MACROD2: variants seen among roughly 807,000 people sequenced by gnomAD.
The protein encoded by MACROD2 is mono-ADP ribosylhydrolase 2.
Under a neutral mutation model 70.4 loss-of-function variants are expected in MACROD2, and 36 were observed. That is an observed-to-expected ratio of 0.51 (90% CI 0.39 to 0.68). The LOEUF (loss-of-function observed/expected upper bound fraction) is 0.68, where lower values mean the gene tolerates loss of function less well. Among genes scored for constraint, MACROD2 ranks in the 30% least tolerant of loss-of-function variants. The probability of loss-of-function intolerance (pLI) is 0.00; values close to 1 mark genes in which losing one functional copy is unlikely to be tolerated. For synonymous variants in MACROD2, 172 were observed against 178.8 expected (o/e 0.96, Z 0.30); for missense variants, 496 against 538.4 (o/e 0.92, Z 0.78).
At chr20:14,752,635 C>A (rs1011309053) in intron 5 of MACROD2, among the ~76,000 whole-genome samples, 1 of 152,090 alleles carries the variant, frequency 6.6e-6, no homozygotes, top group Non-Finnish European at 1.5e-5. Flanking sequence ...TGTCTCCTTC[C>A]TTTTAAAATA....
At chr20:15,133,489 C>G (rs753226302) in intron 5 of MACROD2, among the ~76,000 whole-genome samples, 1 of 151,932 alleles carries the variant, frequency 6.6e-6, no homozygotes, top group African/African-American at 2.4e-5. Flanking sequence ...AATATTTATA[C>G]CCACATTGTT....
At chr20:15,679,291 C>T (rs1325815784) in intron 8 of MACROD2, among the ~76,000 whole-genome samples, 1 of 151,078 alleles carries the variant, frequency 6.6e-6, no homozygotes, top group African/African-American at 2.4e-5. Context: ...CTGGCTTCCA[C>T]ATGCCACTGA....
intron 6 of MACROD2, among the ~76,000 whole-genome samples, chr20:15,373,961 T>G (rs1027679312): frequency 1.3e-5 from 2 of 152,170 alleles, no homozygotes; most frequent in Non-Finnish European, 2.9e-5. Flanking sequence ...TGTCTTATTT[T>G]GATGTTCATT....
At chr20:14,348,184 G>A (rs1209600103) in intron 3 of MACROD2, among the ~76,000 whole-genome samples, 1 of 151,506 alleles carries the variant, frequency 6.6e-6, no homozygotes, top group Non-Finnish European at 1.5e-5. Context: ...CAGGAGAATT[G>A]CTTGAGCCCA....
At chr20:15,057,574 A>G (rs6043077) in intron 5 of MACROD2, among the ~76,000 whole-genome samples, 17,200 of 152,032 alleles carry the variant, frequency 0.11, 2,447 homozygotes, top group African/African-American at 0.33. Context: ...TTCCCATCCC[A>G]CCTTGCAACC....
intron 8 of MACROD2, among the ~76,000 whole-genome samples, chr20:15,792,131 T>C (rs1056535070): frequency 1.1e-4 from 16 of 152,038 alleles, no homozygotes; most frequent in African/African-American, 3.1e-4. Context: ...ATTCAAATCA[T>C]TGGGAAAAGA....
At chr20:15,167,707 A>G (rs2076395231) in intron 5 of MACROD2, among the ~76,000 whole-genome samples, 1 of 152,178 alleles carries the variant, frequency 6.6e-6, no homozygotes, top group African/African-American at 2.4e-5. Context: ...TGCAAAAAAT[A>G]TAATTCACTC....
intron 5 of MACROD2, among the ~76,000 whole-genome samples, chr20:14,959,862 T>G (rs2074568411): frequency 6.6e-6 from 1 of 152,172 alleles, no homozygotes; most frequent in South Asian, 2.1e-4. Context: ...GGCCACGACT[T>G]TAGAAAACCC....
intron 4 of MACROD2, among the ~76,000 whole-genome samples, chr20:14,526,022 G>A (rs765583111): frequency 7.9e-5 from 12 of 152,132 alleles, no homozygotes; most frequent in Non-Finnish European, 1.5e-4. Context: ...GGCCGATATC[G>A]GAATGTTGAT....
chr20:15,249,957 G>C lies in MACROD2; in HGVS notation c.540+19896G>C, dbSNP rs548620126. On this transcript the variant is annotated intron_variant, in intron 6 of 17. Coordinates refer to ENST00000684519, the MANE Select transcript of MACROD2 (RefSeq NM_001351661.2). ...GACTTTTAAAAATAGGTACTGAGCT[G>C]TTAGTATTAAACCCTTACTACGTTG... 6.5e-4 allele frequency among the ~76,000 whole-genome samples: 99 copies of C among 152,326 alleles called. 1 individual carries two copies. Among genetic ancestry groups the C allele is most frequent in the Non-Finnish European group, 1.1e-3 (77 of 68,034 alleles).
intron 6 of MACROD2, among the ~76,000 whole-genome samples, chr20:15,290,662 T>G (rs561724466): frequency 6.6e-6 from 1 of 152,356 alleles, no homozygotes; most frequent in South Asian, 2.1e-4. Flanking sequence ...CACAACAGGT[T>G]CATTTATTGG....
At chr20:15,069,952 T>A (rs960258109) in intron 5 of MACROD2, among the ~76,000 whole-genome samples, 3 of 152,122 alleles carry the variant, frequency 2.0e-5, no homozygotes, top group Non-Finnish European at 4.4e-5. Flanking sequence ...GACAAGAGAA[T>A]GGTAGAGTCA....
At chr20:14,170,832 T>C (rs2081214348) in intron 3 of MACROD2, among the ~76,000 whole-genome samples, 1 of 152,124 alleles carries the variant, frequency 6.6e-6, no homozygotes, top group Non-Finnish European at 1.5e-5. Flanking sequence ...GCTTTTCTGG[T>C]TTTGGTATTA....
chr20:15,638,498 C>T (rs1568944955), intron 8 of MACROD2, among the ~76,000 whole-genome samples: 1 of 152,178 alleles, frequency 6.6e-6, no homozygotes, highest in Non-Finnish European at 1.5e-5. Flanking sequence ...CAGAAAAGAA[C>T]TGCAAGTCAT....
intron 15 of MACROD2, among the ~76,000 whole-genome samples, chr20:15,993,706 C>A (rs992786072): frequency 6.6e-6 from 1 of 152,154 alleles, no homozygotes; most frequent in African/African-American, 2.4e-5. Context: ...TATATCCATA[C>A]AATCACACAC....
Position 15,911,901 on chromosome 20 carries a change from G to A in MACROD2, c.776-21375G>A, listed in dbSNP as rs542693632. ...TGTGCGTGTAATCCTGGCTACTCAGGAGGCTGAGGCAGGAGAATCGCTTGA... is the reference window on the plus strand; with the variant it reads ...TGTGCGTGTAATCCTGGCTACTCAGAAGGCTGAGGCAGGAGAATCGCTTGA... On this transcript the variant is annotated intron_variant, in intron 10 of 17. Transcript: ENST00000684519. 8.5e-5 allele frequency among the ~76,000 whole-genome samples: 13 copies of A among 152,314 alleles called. No individual in the cohort carries two copies. In the South Asian group the frequency reaches 2.5e-3, roughly 29 times the overall value.
At chr20:14,102,321 C>T (rs2054312366) in intron 3 of MACROD2, among the ~76,000 whole-genome samples, 1 of 151,968 alleles carries the variant, frequency 6.6e-6, no homozygotes, top group Non-Finnish European at 1.5e-5. Context: ...ACTTTCATTG[C>T]TTCTGAAGAA....
At chr20:15,471,075 GT>G (rs567922458) in intron 7 of MACROD2, among the ~76,000 whole-genome samples, 24 of 152,206 alleles carry the variant, frequency 1.6e-4, no homozygotes, top group African/African-American at 5.8e-4. Context: ...TCTCCTCTTT[GT>G]TTTTTGTCCT....
At chr20:15,063,908 A>G (rs1390360124) in intron 5 of MACROD2, among the ~76,000 whole-genome samples, 1 of 152,160 alleles carries the variant, frequency 6.6e-6, no homozygotes, top group Non-Finnish European at 1.5e-5. Flanking sequence ...ATAATCCATA[A>G]TCTGTAGCCA....
Sources: gnomAD v4.1 joint callset for allele counts (sites outside exome capture counted in the v4.1 genomes callset) on GRCh38, gnomAD v4.1.1 for gene constraint, MANE v1.5 for transcripts, NCBI Gene and HGNC (gene_info 2026-07-23, HGNC 2026-07-21) for gene names.